HACD2: variants seen among roughly 807,000 people sequenced by gnomAD.
HACD2 encodes the protein very-long-chain (3R)-3-hydroxyacyl-CoA dehydratase 2.
A neutral mutation model predicts 31.0 loss-of-function variants in HACD2; 15 were observed. That is an observed-to-expected ratio of 0.48 (90% CI 0.32 to 0.75). The LOEUF (loss-of-function observed/expected upper bound fraction) is 0.75. HACD2 is among the 30% of genes least tolerant of loss of function. The pLI is 0.03. For synonymous variants in HACD2, 115 were observed against 122.2 expected, an observed-to-expected ratio of 0.94 and a Z score of 0.39; for missense variants, 283 against 313.0, an observed-to-expected ratio of 0.90 and a Z score of 0.72.
chr3:123,529,124 C>A (rs370563770), intron 3 of HACD2, among the ~76,000 whole-genome samples: 2 of 151,732 alleles, frequency 1.3e-5, no homozygotes. Context: ...TTTTTGAGAC[C>A]GAGTCTCACT....
chr3:123,585,013 C>A lies in HACD2; in HGVS notation c.15G>T (p.Ala5=). 6.6e-7 allele frequency: 1 copy of A among 1,508,488 alleles called. No homozygotes were observed. The highest frequency in any genetic ancestry group is 2.8e-5 in the East Asian group (1 of 36,244). 93.4% of individuals were successfully genotyped at this position (1,508,488 alleles called of 1,614,324 possible). Residue 5 remains alanine (A), a synonymous_variant, in exon 1 of 7, where the codon GCG becomes GCT. Transcript: ENST00000383657. ...CATTCCCCTTCGCTGCTGCAGTCGCCGCCACTGCCGCCATGTCAAGTGCCC... is the reference window on the plus strand; with the variant it reads ...CATTCCCCTTCGCTGCTGCAGTCGCAGCCACTGCCGCCATGTCAAGTGCCC... MAAV[A]ATAAAKGNGG...
At chr3:123,568,996 G>A (rs1161517114) in intron 2 of HACD2, among the ~76,000 whole-genome samples, 2 of 151,914 alleles carry the variant, frequency 1.3e-5, no homozygotes, top group South Asian at 2.1e-4. Flanking sequence ...GAGATCTACA[G>A]AGTCAGACTT....
At chr3:123,497,745 A>G (rs944090806) in intron 6 of HACD2, among the ~76,000 whole-genome samples, 2 of 152,186 alleles carry the variant, frequency 1.3e-5, no homozygotes, top group African/African-American at 2.4e-5. Flanking sequence ...GGAGAGGAGC[A>G]CCTGGCCAGG....
chr3:123,557,230 G>A (rs1449462869), intron 3 of HACD2, among the ~76,000 whole-genome samples: 2 of 152,212 alleles, frequency 1.3e-5, no homozygotes, highest in Non-Finnish European at 2.9e-5. Context: ...GTGCATTCAA[G>A]GGACCTAGGT....
At chr3:123,540,782 C>T (rs2056480783) in intron 3 of HACD2, among the ~76,000 whole-genome samples, 3 of 151,916 alleles carry the variant, frequency 2.0e-5, no homozygotes, top group South Asian at 4.2e-4. Flanking sequence ...GTAAAACTGT[C>T]AGGGCCGAAC....
At chr3:123,537,091 T>C (rs577062047) in intron 3 of HACD2, among the ~76,000 whole-genome samples, 5 of 152,342 alleles carry the variant, frequency 3.3e-5, no homozygotes, top group South Asian at 2.1e-4. Flanking sequence ...TAGACTATAT[T>C]ATAAATGCTA....
chr3:123,529,601 G>A (rs145835476), intron 3 of HACD2, among the ~76,000 whole-genome samples: 120 of 152,220 alleles, frequency 7.9e-4, no homozygotes, highest in African/African-American at 2.7e-3. Context: ...GGTAGCGTAC[G>A]CCTCTAGTAC....
chr3:123,509,036 C>G (rs1257963807), intron 4 of HACD2, among the ~76,000 whole-genome samples: 1 of 152,046 alleles, frequency 6.6e-6, no homozygotes, highest in South Asian at 2.1e-4. Flanking sequence ...AATACCATCG[C>G]GCTGGGGGTT....
intron 3 of HACD2, among the ~76,000 whole-genome samples, chr3:123,553,046 T>C (rs2056636559): frequency 6.6e-6 from 1 of 152,096 alleles, no homozygotes; most frequent in South Asian, 2.1e-4. Context: ...AAGTAAAATT[T>C]AAAACTATAG....
intron 6 of HACD2, among the ~76,000 whole-genome samples, chr3:123,495,503 C>T (rs1431075668): frequency 6.6e-6 from 1 of 151,748 alleles, no homozygotes; most frequent in Non-Finnish European, 1.5e-5. Context: ...GGAAGAGCAA[C>T]CTCTCTTGGG....
intron 4 of HACD2, among the ~76,000 whole-genome samples, chr3:123,511,007 A>G (rs13433752): frequency 0.17 from 25,009 of 149,794 alleles, 2,660 homozygotes; most frequent in African/African-American, 0.29. Context: ...GGTATCTCAC[A>G]GTAGTTTTGA....
At chr3:123,582,044 A>C (rs2056971565) in intron 2 of HACD2, among the ~76,000 whole-genome samples, 168 bp downstream of exon 2, 2 of 152,206 alleles carry the variant, frequency 1.3e-5, no homozygotes, top group South Asian at 4.1e-4. Flanking sequence ...GATTCTACCC[A>C]ATCTAGAACA....
chr3:123,546,820 A>G (rs779063066), intron 3 of HACD2, among the ~76,000 whole-genome samples: 6 of 152,226 alleles, frequency 3.9e-5, no homozygotes, highest in Non-Finnish European at 8.8e-5. Context: ...AGGACAAGGC[A>G]ACACTTTTAA....
rs1476678170 is a variant in HACD2 at position 123,510,945 on chromosome 3, GT to G, written c.382-8265del. ...CTCATTTGCTGTGTTTTTTTTTTTT[GT>G]TTTTTTTTGTTTTTTTTTTTAAATA... On this transcript the variant is annotated intron_variant, in intron 4 of 6. Coordinates refer to ENST00000383657, the MANE Select transcript of HACD2 (RefSeq NM_198402.5). Among the ~76,000 whole-genome samples the G allele has an allele frequency of 1.0e-4, 12 of 115,006 alleles. 1 individual carries two copies. The highest frequency in any genetic ancestry group is 5.5e-4 in the East Asian group (2 of 3,626). 75.4% of individuals were successfully genotyped at this position (115,006 alleles called of 152,430 possible).
intron 4 of HACD2, among the ~76,000 whole-genome samples, chr3:123,504,405 A>T (rs2055946713): frequency 6.6e-6 from 1 of 152,306 alleles, no homozygotes; most frequent in East Asian, 1.9e-4. Flanking sequence ...GCTTTTCACA[A>T]GTAAGAGCTC....
chr3:123,497,890 T>G (rs995501333), intron 6 of HACD2, among the ~76,000 whole-genome samples: 4 of 152,210 alleles, frequency 2.6e-5, no homozygotes, highest in Non-Finnish European at 5.9e-5. Flanking sequence ...TATCATCAAC[T>G]TGCCACTAAA....
At chr3:123,540,482 C>G (rs955054580) in intron 3 of HACD2, among the ~76,000 whole-genome samples, 1 of 152,104 alleles carries the variant, frequency 6.6e-6, no homozygotes, top group African/African-American at 2.4e-5. Context: ...ACACATATTT[C>G]CTTTCTGAAG....
intron 3 of HACD2, among the ~76,000 whole-genome samples, chr3:123,547,850 A>T (rs762355476): frequency 2.6e-5 from 4 of 152,160 alleles, no homozygotes; most frequent in Non-Finnish European, 5.9e-5. Context: ...CTTTACTTAT[A>T]TTAATTAATT....
chr3:123,584,610 G>C, intron 1 of HACD2: 1 of 300,804 alleles, frequency 3.3e-6, no homozygotes, highest in Non-Finnish European at 6.1e-6. Flanking sequence ...CGGCCCTCGC[G>C]AGCCAGCGCC....
Sources: gnomAD v4.1 joint callset for allele counts (sites outside exome capture counted in the v4.1 genomes callset) on GRCh38, gnomAD v4.1.1 for gene constraint, MANE v1.5 for transcripts, NCBI Gene and HGNC (gene_info 2026-07-23, HGNC 2026-07-21) for gene names.